KLC4: variants seen among roughly 807,000 people sequenced by gnomAD.
The protein encoded by KLC4 is kinesin-like protein 8.
KLC4 carries 49 observed loss-of-function variants against 77.2 expected under a neutral mutation model. The observed-to-expected ratio is 0.63, with a 90% CI of 0.50 to 0.80. KLC4 has a LOEUF of 0.80. Ranked by LOEUF, KLC4 falls within the 30% of genes least tolerant of loss-of-function variation. KLC4 has a pLI of 0.00. For missense variants in KLC4, 669 were observed against 793.5 expected (o/e 0.84, Z 1.89); for synonymous variants, 274 against 314.5 (o/e 0.87, Z 1.36).
intron 3 of KLC4, 186 bp from the exon 4 acceptor site, chr6:43,065,434 C>A: frequency 3.7e-6 from 2 of 535,686 alleles, no homozygotes; most frequent in Non-Finnish European, 6.7e-6. Flanking sequence ...CAAAGCATCT[C>A]TGGCTGTTAC....
chr6:43,072,152 C>T lies in KLC4; in HGVS notation c.1385C>T (p.Thr462Ile). 1 of 1,613,320 alleles carries T rather than the reference C, an allele frequency of 6.2e-7. No homozygotes were observed. The highest frequency in any genetic ancestry group is 8.5e-7 in the Non-Finnish European group (1 of 1,179,244). The change falls in exon 12 of 16, where the codon ACA (threonine) becomes ATA (isoleucine). Residue 462 changes from threonine (T) to isoleucine (I), a missense_variant. Thr to Ile is a moderately conservative substitution (Grantham distance 89). Transcript: ENST00000347162. ...TGGTCTCTTTCTCACCACAGCCCCA[C>T]AGTGAACACTACTCTGAGAAACCTG... is the stretch of plus-strand genomic sequence containing the variant. ...WYKACKVSSP[T>I]VNTTLRNLGA...
In KLC4 at chr6:43,074,866, C is replaced by T; in HGVS notation, c.*194C>T. On this transcript the variant is annotated 3_prime_UTR_variant, in exon 16 of 16. Coordinates refer to ENST00000347162, the MANE Select transcript of KLC4 (RefSeq NM_201521.3). Reference sequence around the variant, plus strand: ...CTCTTAGGAAGGACCCTCAGGACACCCTCTCTGCACCCTGTGGTCCTCTAG... The same window carrying T: ...CTCTTAGGAAGGACCCTCAGGACACTCTCTCTGCACCCTGTGGTCCTCTAG... The T allele has an allele frequency of 1.7e-6, 1 of 600,828 alleles. No homozygotes were observed. The highest frequency in any genetic ancestry group is 3.0e-6 in the Non-Finnish European group (1 of 333,582). The allele number at this position is 600,828 out of a possible 1,614,324, so 37.2% of individuals were successfully genotyped here.
chr6:43,063,484 G>A (rs1344092114), intron 3 of KLC4, among the ~76,000 whole-genome samples: 3 of 152,126 alleles, frequency 2.0e-5, no homozygotes, highest in Non-Finnish European at 4.4e-5. Flanking sequence ...AGAATTCTAC[G>A]TGGTACAATT....
At chr6:43,072,561 A>C (rs1765784881) in intron 12 of KLC4, among the ~76,000 whole-genome samples, 2 of 152,248 alleles carry the variant, frequency 1.3e-5, no homozygotes, top group South Asian at 4.1e-4. Flanking sequence ...GGAGAGCCTA[A>C]ATCAAGAATT....
Position 43,070,368 on chromosome 6 carries a change from CA to C in KLC4, c.896del (p.Asn299ThrfsTer42). On this transcript the variant is annotated frameshift_variant, in exon 7 of 16. Transcript: ENST00000347162. LOFTEE classifies it high-confidence loss of function. ...PDHPAVAATLNNLAVLYGKRG... is the reference protein window; with the variant it reads ...PDHPAVAATLXNLAVLYGKRG... ...TGTCTTCATAGGTGGCTGCCACACT[CA>C]ACAATTTGGCTGTGCTCTATGGCAA... The C allele has an allele frequency of 6.2e-7, 1 of 1,613,868 alleles. No homozygotes were observed. The highest frequency in any genetic ancestry group is 8.5e-7 in the Non-Finnish European group (1 of 1,179,784).
chr6:43,060,798 G>A (rs1000810369), intron 1 of KLC4, among the ~76,000 whole-genome samples: 2 of 152,206 alleles, frequency 1.3e-5, no homozygotes, highest in African/African-American at 4.8e-5. Flanking sequence ...ACCCTGTAAT[G>A]TGGATCCTGC....
At chr6:43,072,608 C>A (rs933406660) in intron 12 of KLC4, 1 of 583,750 alleles carries the variant, frequency 1.7e-6, no homozygotes, top group Non-Finnish European at 3.0e-6. Flanking sequence ...GTTGTGAAAT[C>A]AATTCAGTAT....
In KLC4 at chr6:43,072,963, GGGT is replaced by G. The variant is rs1765803314; in HGVS notation, c.1629_1629+2del. On this transcript the variant is annotated splice_donor_variant and coding_sequence_variant, in exon 13 of 16. Coordinates refer to ENST00000347162, the MANE Select transcript of KLC4 (RefSeq NM_201521.3). LOFTEE classifies it high-confidence loss of function. Reference sequence around the variant, plus strand: ...GCTTCTGTGGCTGTGGAGTGGTCCGGGGTAAGTCTGATCATTGCCTTTTCATCT... The same window carrying G: ...GCTTCTGTGGCTGTGGAGTGGTCCGGAAGTCTGATCATTGCCTTTTCATCT... The G allele has an allele frequency of 6.3e-7, 1 of 1,589,314 alleles. No homozygotes were observed. Among genetic ancestry groups the G allele is most frequent in the African/African-American group, 1.4e-5 (1 of 74,036 alleles).
chr6:43,074,283 C>T (rs1481105654), intron 15 of KLC4: 1 of 453,846 alleles, frequency 2.2e-6, no homozygotes, highest in Non-Finnish European at 3.9e-6. Context: ...CTGCAGCCGC[C>T]TTAGTAGTAG....
chr6:43,062,250 T>C (rs1022910544), intron 2 of KLC4, among the ~76,000 whole-genome samples: 1 of 152,226 alleles, frequency 6.6e-6, no homozygotes, highest in Admixed American at 6.5e-5. Context: ...GGACTTTGAT[T>C]TTGCCCTTTC....
At chr6:43,070,571 C>T in intron 7 of KLC4, 116 bp downstream of exon 7, 1 of 1,403,022 alleles carries the variant, frequency 7.1e-7, no homozygotes, top group Middle Eastern at 1.8e-4. Context: ...CTGCTTTGTT[C>T]TCTCTTCCTT....
chr6:43,074,580 G>A lies in KLC4; in HGVS notation c.1810-42G>A, dbSNP rs1293887523. 7 of 1,590,568 alleles carry A rather than the reference G, an allele frequency of 4.4e-6. No homozygotes were observed. The African/African-American group carries it at 8.1e-5, about 18-fold the overall frequency. On this transcript the variant is annotated intron_variant, in intron 15 of 15. Transcript: ENST00000347162. ...GACTCTAGGAGCCAGTCTTTGGGAGGCCGAGGTCCCTGAGCTGATGGGGTA... is the reference window on the plus strand; with the variant it reads ...GACTCTAGGAGCCAGTCTTTGGGAGACCGAGGTCCCTGAGCTGATGGGGTA...
chr6:43,073,252 C>T lies in KLC4; in HGVS notation c.1659C>T (p.Gly553=), dbSNP rs1026261605. The T allele has an allele frequency of 6.2e-7, 1 of 1,614,114 alleles. No homozygotes were observed. The highest frequency in any genetic ancestry group is 1.1e-5 in the South Asian group (1 of 91,076). The change falls in exon 14 of 16, where the codon GGC becomes GGT. Residue 553 remains glycine (G), a synonymous_variant. Coordinates refer to ENST00000347162, the MANE Select transcript of KLC4 (RefSeq NM_201521.3). ...GCAGTGGGACCCTGCAGAGGAGTGG[C>T]TCTCTTGGCAAGATCCGGGATGTGC... The part of the protein sequence containing the change: ...GDGSGTLQRS[G]SLGKIRDVLR...
intron 6 of KLC4, among the ~76,000 whole-genome samples, chr6:43,069,800 G>T (rs952346103): frequency 6.6e-6 from 1 of 151,814 alleles, no homozygotes; most frequent in Non-Finnish European, 1.5e-5. Context: ...CGCCCACCTC[G>T]GCCTCCCAAA....
chr6:43,061,304 TC>T lies in KLC4; in HGVS notation c.-25-4del. 1 of 1,608,430 alleles carries T rather than the reference TC, an allele frequency of 6.2e-7. No homozygotes were observed. The highest frequency in any genetic ancestry group is 8.5e-7 in the Non-Finnish European group (1 of 1,177,150). On this transcript the variant is annotated splice_polypyrimidine_tract_variant and splice_region_variant and intron_variant, in intron 1 of 15. Coordinates refer to ENST00000347162, the MANE Select transcript of KLC4 (RefSeq NM_201521.3). ...TACACCAGCTGAACTCTGTTGTTTCTCCCTAGACCGGGCAAGGTCCCCCAGG... is the reference window on the plus strand; with the variant it reads ...TACACCAGCTGAACTCTGTTGTTTCTCCTAGACCGGGCAAGGTCCCCCAGG...
rs769841290 is a variant in KLC4 at position 43,074,689 on chromosome 6, C to T, written c.*17C>T. ...AGCAGCTGACATTCAACCCGGCCCC[C>T]AGGTCTGCTGGGTCCCCCCACCCCC... On this transcript the variant is annotated 3_prime_UTR_variant, in exon 16 of 16. Coordinates refer to ENST00000347162, the MANE Select transcript of KLC4 (RefSeq NM_201521.3). The T allele has an allele frequency of 1.2e-6, 2 of 1,613,014 alleles. No individual in the cohort carries two copies. The highest frequency in any genetic ancestry group is 1.1e-5 in the South Asian group (1 of 91,064).
chr6:43,071,995 C>A, intron 11 of KLC4, 73 bp downstream of exon 11: 2 of 1,480,498 alleles, frequency 1.4e-6, no homozygotes, highest in Non-Finnish European at 1.9e-6. Context: ...CCTCCCAGAC[C>A]TTTTCCCTTC....
At position 43,073,403 on chromosome 6, in the gene KLC4, C is replaced by G. The variant is rs571207861; in HGVS notation, c.1745+65C>G. ...CAGTGGCTCACGCCTGTAATCCCAG[C>G]ACTTTGGGAGGCCGAGGCGGGTGGA... On this transcript the variant is annotated intron_variant, in intron 14 of 15. Transcript: ENST00000347162. The G allele has an allele frequency of 9.9e-5, 120 of 1,216,692 alleles. 1 individual carries two copies. The African/African-American group carries it at 1.6e-3, about 16-fold the overall frequency. The allele number at this position is 1,216,692 out of a possible 1,614,324, so 75.4% of individuals were successfully genotyped here.
chr6:43,061,166 C>T (rs564084134), intron 1 of KLC4, 145 bp from the exon 2 acceptor site: 2 of 807,018 alleles, frequency 2.5e-6, no homozygotes, highest in Non-Finnish European at 4.0e-6. Context: ...AGCTCCCTGC[C>T]TGCTGGTCAC....
Sources: gnomAD v4.1 joint callset for allele counts (sites outside exome capture counted in the v4.1 genomes callset) on GRCh38, gnomAD v4.1.1 for gene constraint, MANE v1.5 for transcripts, NCBI Gene and HGNC (gene_info 2026-07-23, HGNC 2026-07-21) for gene names.